CTNNA3: variants seen among roughly 807,000 people sequenced by gnomAD.
CTNNA3 encodes the protein catenin alpha-3.
A neutral mutation model predicts 95.7 loss-of-function variants in CTNNA3; 76 were observed. The ratio of observed to expected loss-of-function variants is 0.79; its 90% CI spans 0.66 to 0.96. The LOEUF is 0.96. CTNNA3 is among the 40% of genes least tolerant of loss of function. The pLI is 0.00. For synonymous variants in CTNNA3, 431 were observed against 374.4 expected, an observed-to-expected ratio of 1.15 and a Z score of -1.74; for missense variants, 1,191 against 1,089.8, an observed-to-expected ratio of 1.09 and a Z score of -1.31.
At chr10:66,522,657 G>T (rs917210858) in intron 10 of CTNNA3, among the ~76,000 whole-genome samples, 1 of 151,688 alleles carries the variant, frequency 6.6e-6, no homozygotes, top group Non-Finnish European at 1.5e-5. Context: ...TTCCTTTATG[G>T]ATTACCCAGT....
At chr10:67,362,061 T>C (rs1195416481) in intron 5 of CTNNA3, among the ~76,000 whole-genome samples, 2 of 151,972 alleles carry the variant, frequency 1.3e-5, no homozygotes, top group Non-Finnish European at 2.9e-5. Flanking sequence ...CTTCCCAAGA[T>C]TGAAACAGGA....
intron 6 of CTNNA3, among the ~76,000 whole-genome samples, chr10:67,195,341 T>C (rs1863303926): frequency 6.6e-6 from 1 of 152,024 alleles, no homozygotes; most frequent in Non-Finnish European, 1.5e-5. Context: ...AGTGGAGCTC[T>C]GGAGTCAGAA....
intron 7 of CTNNA3, among the ~76,000 whole-genome samples, chr10:66,907,265 TA>T (rs1223657945): frequency 1.3e-5 from 2 of 152,168 alleles, no homozygotes; most frequent in Admixed American, 1.3e-4. Flanking sequence ...CACTAATTTG[TA>T]AGTCTTTTTG....
intron 7 of CTNNA3, among the ~76,000 whole-genome samples, chr10:67,074,328 C>T (rs1158977563): frequency 6.9e-6 from 1 of 145,246 alleles, no homozygotes; most frequent in Non-Finnish European, 1.5e-5. Flanking sequence ...CCGTGCCCAG[C>T]TGCCACTTTA....
chr10:66,531,677 A>AT (rs375435962), intron 10 of CTNNA3, among the ~76,000 whole-genome samples: 37 of 152,160 alleles, frequency 2.4e-4, no homozygotes, highest in Non-Finnish European at 4.7e-4. Flanking sequence ...TAATATTCCA[A>AT]TTTTTTTAAG....
intron 7 of CTNNA3, among the ~76,000 whole-genome samples, chr10:67,045,593 C>T (rs1472150562): frequency 6.6e-6 from 1 of 152,140 alleles, no homozygotes; most frequent in Non-Finnish European, 1.5e-5. Flanking sequence ...CATTGCGTGA[C>T]GGGCAAGGGG....
intron 2 of CTNNA3, among the ~76,000 whole-genome samples, chr10:67,636,218 A>G (rs148346271): frequency 4.5e-4 from 68 of 152,322 alleles, no homozygotes; most frequent in Non-Finnish European, 9.3e-4. Context: ...GGAAGAATCA[A>G]TGTCGTTAGA....
intron 7 of CTNNA3, among the ~76,000 whole-genome samples, chr10:67,045,872 G>A (rs1461827038): frequency 6.6e-6 from 1 of 152,118 alleles, no homozygotes; most frequent in East Asian, 1.9e-4. Context: ...CCTTTAACCT[G>A]GTCCCCCAAA....
At chr10:66,178,576 C>A (rs76015740) in intron 13 of CTNNA3, among the ~76,000 whole-genome samples, 1 of 150,498 alleles carries the variant, frequency 6.6e-6, no homozygotes, top group Non-Finnish European at 1.5e-5. Flanking sequence ...GGATTTCATC[C>A]AAATTAGATT....
Position 67,278,051 on chromosome 10 carries a change from G to A in CTNNA3, c.580-58181C>T, listed in dbSNP as rs904588170. On this transcript the variant is annotated intron_variant, in intron 5 of 17. Transcript: ENST00000433211. ...TGCTTTCACTGTACTTTATGGACTC[G>A]CCCTGAATTCTTTCTTGCACAAGGT... Among the ~76,000 whole-genome samples the A allele has an allele frequency of 4.6e-5, 7 of 151,998 alleles. No individual in the cohort carries two copies. In the East Asian group the frequency reaches 5.8e-4, roughly 13 times the overall value.
At chr10:67,564,688 TA>T (rs1841688767) in intron 3 of CTNNA3, among the ~76,000 whole-genome samples, 1 of 69,802 alleles carries the variant, frequency 1.4e-5, no homozygotes, top group Admixed American at 1.5e-4. Flanking sequence ...TATATATATA[TA>T]TATATATATA....
At chr10:67,735,311 G>C (rs938090049) in intron 1 of CTNNA3, among the ~76,000 whole-genome samples, 2 of 152,100 alleles carry the variant, frequency 1.3e-5, no homozygotes, top group Non-Finnish European at 2.9e-5. Context: ...GGAGTTTGGA[G>C]TGGGTGTTGA....
At chr10:66,922,164 A>G (rs1427282151) in intron 7 of CTNNA3, among the ~76,000 whole-genome samples, 1 of 152,236 alleles carries the variant, frequency 6.6e-6, no homozygotes, top group East Asian at 1.9e-4. Flanking sequence ...TTATAATTGT[A>G]TAAATCATTA....
chr10:67,588,225 TC>T (rs1564764404), intron 3 of CTNNA3, among the ~76,000 whole-genome samples: 20 of 151,898 alleles, frequency 1.3e-4, no homozygotes, highest in African/African-American at 4.8e-4. Context: ...TTAAGATCTA[TC>T]TTATTATTAA....
chr10:67,314,113 T>A (rs576359032), intron 5 of CTNNA3, among the ~76,000 whole-genome samples: 4 of 152,330 alleles, frequency 2.6e-5, no homozygotes, highest in African/African-American at 9.6e-5. Context: ...AAGATGCACA[T>A]AATTTGAATC....
At chr10:67,427,806 G>A (rs1293227199) in intron 5 of CTNNA3, among the ~76,000 whole-genome samples, 1 of 152,020 alleles carries the variant, frequency 6.6e-6, no homozygotes, top group Non-Finnish European at 1.5e-5. Flanking sequence ...CCAGAGTTCA[G>A]TATGCATGGG....
chr10:67,082,738 T>C (rs1261394632), intron 7 of CTNNA3, among the ~76,000 whole-genome samples: 1 of 152,258 alleles, frequency 6.6e-6, no homozygotes, highest in South Asian at 2.1e-4. Flanking sequence ...TACTTCTACA[T>C]CAGCATAGAG....
At position 67,458,631 on chromosome 10, in the gene CTNNA3, C is replaced by G. The variant is rs142295005; in HGVS notation, c.579+63211G>C. Among the ~76,000 whole-genome samples the G allele has an allele frequency of 4.4e-3, 670 of 152,110 alleles. 7 individuals are homozygous for G. Among genetic ancestry groups the G allele is most frequent in the African/African-American group, 0.015 (629 of 41,498 alleles). On this transcript the variant is annotated intron_variant, in intron 5 of 17. Coordinates refer to ENST00000433211, the MANE Select transcript of CTNNA3 (RefSeq NM_013266.4). ...CGATGGTTCATGCCTGTAATCCCAG[C>G]GCTTTGGAAGGCCGAAGTGGTCAGA... is the stretch of plus-strand genomic sequence containing the variant.
intron 15 of CTNNA3, among the ~76,000 whole-genome samples, chr10:66,039,576 C>A (rs1394571178): frequency 6.6e-6 from 1 of 152,130 alleles, no homozygotes; most frequent in Non-Finnish European, 1.5e-5. Context: ...AGACTGCCCA[C>A]ACACCTACAA....
Sources: gnomAD v4.1 joint callset for allele counts (sites outside exome capture counted in the v4.1 genomes callset) on GRCh38, gnomAD v4.1.1 for gene constraint, MANE v1.5 for transcripts, NCBI Gene and HGNC (gene_info 2026-07-23, HGNC 2026-07-21) for gene names.